The following RNF130 variants were observed in gnomAD, a reference collection of about 807,000 sequenced individuals.
RNF130 encodes the protein ring finger protein 130, also known as E3 ubiquitin-protein ligase RNF130.
RNF130 carries 21 observed loss-of-function variants against 44.6 expected under a neutral mutation model. The observed-to-expected ratio is 0.47, with a 90% CI of 0.33 to 0.68. RNF130 has a LOEUF of 0.68. Ranked by LOEUF, RNF130 falls within the 30% of genes least tolerant of loss-of-function variation. The pLI, the probability that RNF130 is intolerant of heterozygous loss-of-function variation, is 0.02. For synonymous variants in RNF130, 214 were observed against 210.4 expected (o/e 1.02, Z -0.15); for missense variants, 479 against 560.6 (o/e 0.85, Z 1.47).
At chr5:180,008,898 A>G (rs568388461) in intron 3 of RNF130, among the ~76,000 whole-genome samples, 1 of 152,286 alleles carries the variant, frequency 6.6e-6, no homozygotes, top group East Asian at 1.9e-4. Context: ...GGAAAAAAAA[A>G]AAAGTAAAAT....
downstream of RNF130, among the ~76,000 whole-genome samples, chr5:179,950,649 T>TTA (rs1762111600): frequency 6.6e-6 from 1 of 152,248 alleles, no homozygotes; most frequent in South Asian, 2.1e-4. Flanking sequence ...TCCCAATCTA[T>TTA]CAATTCACTC....
At chr5:179,917,215 G>T (rs566032505) in exon 8 of RNF130, 2 of 151,310 alleles carry the variant, frequency 1.3e-5, no homozygotes, top group East Asian at 1.9e-4. Flanking sequence ...TCACCAAAGC[G>T]GAAGCATTTG....
At chr5:179,921,509 T>C (rs1386647406) in intron 7 of RNF130, among the ~76,000 whole-genome samples, 1 of 152,236 alleles carries the variant, frequency 6.6e-6, no homozygotes, top group Non-Finnish European at 1.5e-5. Flanking sequence ...TGTTCTAAGA[T>C]GGTCCTGGCT....
At chr5:179,944,645 C>T (rs2113684715) in intron 7 of RNF130, among the ~76,000 whole-genome samples, 1 of 151,910 alleles carries the variant, frequency 6.6e-6, no homozygotes, top group Admixed American at 6.6e-5. Context: ...AGACAGTCCC[C>T]CAGTTCCTCA....
chr5:180,015,437 CAAGCTGGAAAAG>C lies in RNF130; in HGVS notation c.443-2138_443-2127del, dbSNP rs747357589. 42 of 478,200 alleles carry C rather than the reference CAAGCTGGAAAAG, an allele frequency of 8.8e-5. No homozygotes were observed. In the East Asian group the frequency reaches 1.8e-3, roughly 20 times the overall value. The allele number at this position is 478,200 out of a possible 1,614,324, so 29.6% of individuals were successfully genotyped here. On this transcript the variant is annotated intron_variant, in intron 2 of 8. Coordinates refer to ENST00000521389, the MANE Select transcript of RNF130 (RefSeq NM_018434.6). Reference sequence around the variant, plus strand: ...CAGTTGAGGCTCCCTCTTGAAGACTCAAGCTGGAAAAGGAGTAGGGAAAGGAGTAGGGAAAGG... The same window carrying C: ...CAGTTGAGGCTCCCTCTTGAAGACTCGAGTAGGGAAAGGAGTAGGGAAAGG...
At chr5:179,923,305 C>T (rs1248282247) in intron 7 of RNF130, among the ~76,000 whole-genome samples, 2 of 152,082 alleles carry the variant, frequency 1.3e-5, no homozygotes, top group African/African-American at 4.8e-5. Flanking sequence ...TTATCCTTTC[C>T]CCCACTGAAC....
At chr5:180,037,864 G>A (rs1020616624) in intron 2 of RNF130, among the ~76,000 whole-genome samples, 10 of 152,016 alleles carry the variant, frequency 6.6e-5, no homozygotes, top group East Asian at 1.9e-4. Flanking sequence ...ACATAAAGCC[G>A]TTTCCTATTG....
chr5:179,974,739 T>C (rs1037130111), intron 5 of RNF130, among the ~76,000 whole-genome samples: 1 of 152,056 alleles, frequency 6.6e-6, no homozygotes, highest in African/African-American at 2.4e-5. Context: ...GACTGGGAAA[T>C]GCGAGTGTCA....
At chr5:179,962,308 G>A (rs1762350506) in intron 8 of RNF130, among the ~76,000 whole-genome samples, 1 of 152,186 alleles carries the variant, frequency 6.6e-6, no homozygotes, top group South Asian at 2.1e-4. Flanking sequence ...GATGAGGTTA[G>A]ATTGAATAAC....
intron 1 of RNF130, among the ~76,000 whole-genome samples, chr5:180,055,957 AC>A (rs1217705785): frequency 6.6e-6 from 1 of 151,926 alleles, no homozygotes; most frequent in Non-Finnish European, 1.5e-5. Context: ...GGTGGTGGGC[AC>A]CTTTAATCCC....
At chr5:180,055,265 A>G in intron 1 of RNF130, among the ~76,000 whole-genome samples, 1 of 28,080 alleles carries the variant, frequency 3.6e-5, no homozygotes, top group Admixed American at 5.0e-4. Flanking sequence ...AAAAAAAAAA[A>G]AAAAAAAAAA....
chr5:179,981,264 G>A (rs554479539), intron 3 of RNF130, among the ~76,000 whole-genome samples: 1 of 152,162 alleles, frequency 6.6e-6, no homozygotes, highest in Non-Finnish European at 1.5e-5. Context: ...CTCACACTGG[G>A]ACAAGGGGCA....
Position 180,071,508 on chromosome 5 carries a change from G to A in RNF130, c.195C>T (p.Ser65=), listed in dbSNP as rs1212039551. ...CCTGGCCGCGGACCTCGGCCTTGGG[G>A]GAGTCAAGCCCGTAGCGCCCGCGGT... ...RIDRGRYGLD[S]PKAEVRGQVL... The change falls in exon 1 of 9, where the codon TCC becomes TCT. Residue 65 remains serine (S), a synonymous_variant. Transcript: ENST00000521389. The A allele has an allele frequency of 4.5e-6, 6 of 1,324,648 alleles. No individual in the cohort carries two copies. Among genetic ancestry groups the A allele is most frequent in the Non-Finnish European group, 4.8e-6 (5 of 1,031,718 alleles). 82.1% of individuals were successfully genotyped at this position (1,324,648 alleles called of 1,614,324 possible). A position where few individuals can be genotyped will look rare whatever the true frequency, so the allele number is the denominator to read the frequency against.
At chr5:179,929,396 T>G (rs1321876274) in intron 7 of RNF130, among the ~76,000 whole-genome samples, 1 of 152,234 alleles carries the variant, frequency 6.6e-6, no homozygotes, top group Admixed American at 6.5e-5. Context: ...TAAGTCCTTT[T>G]GCTTTATTAT....
chr5:180,030,097 C>T (rs1270307240), intron 2 of RNF130, among the ~76,000 whole-genome samples: 1 of 152,122 alleles, frequency 6.6e-6, no homozygotes, highest in Non-Finnish European at 1.5e-5. Context: ...ATCCGCCTAC[C>T]TCGGCCTCCT....
At chr5:179,931,480 C>T (rs1406284284) in intron 7 of RNF130, among the ~76,000 whole-genome samples, 1 of 151,708 alleles carries the variant, frequency 6.6e-6, no homozygotes, top group African/African-American at 2.4e-5. Flanking sequence ...GTTTAAACTA[C>T]AGTACAGGCC....
chr5:179,971,865 C>A (rs780301762), intron 5 of RNF130, among the ~76,000 whole-genome samples: 5 of 152,156 alleles, frequency 3.3e-5, no homozygotes, highest in Non-Finnish European at 7.3e-5. Flanking sequence ...TTGGCCTGAA[C>A]AATATACACA....
At chr5:179,994,832 C>T (rs1391447420) in intron 3 of RNF130, among the ~76,000 whole-genome samples, 1 of 152,186 alleles carries the variant, frequency 6.6e-6, no homozygotes, top group Non-Finnish European at 1.5e-5. Flanking sequence ...TTGCAGGTCA[C>T]AGCTGGCTAC....
chr5:179,963,648 A>G, intron 7 of RNF130, 84 bp from the exon 8 acceptor site: 2 of 972,142 alleles, frequency 2.1e-6, no homozygotes, highest in East Asian at 2.6e-5. Flanking sequence ...AAATGCAACG[A>G]AGCAGACGTC....
Sources: gnomAD v4.1 joint callset for allele counts (sites outside exome capture counted in the v4.1 genomes callset) on GRCh38, gnomAD v4.1.1 for gene constraint, MANE v1.5 for transcripts, NCBI Gene and HGNC (gene_info 2026-07-23, HGNC 2026-07-21) for gene names.